ZNF33B: variants seen among roughly 807,000 people sequenced by gnomAD.
ZNF33B encodes the protein zinc finger protein 11b (KOX 2).
In ZNF33B, 29 loss-of-function variants were observed where a neutral mutation model predicts 45.8. The observed-to-expected ratio is 0.63, with a 90% CI of 0.47 to 0.86. The LOEUF is 0.86. ZNF33B is among the 40% of genes least tolerant of loss of function. The probability of loss-of-function intolerance (pLI) is 0.00; values close to 1 mark genes in which losing one functional copy is unlikely to be tolerated. For missense variants in ZNF33B, 831 were observed against 909.9 expected, an observed-to-expected ratio of 0.91 and a Z score of 1.12; for synonymous variants, 305 against 307.8, an observed-to-expected ratio of 0.99 and a Z score of 0.10.
chr10:42,610,701 A>G (rs1838064328), intron 4 of ZNF33B, among the ~76,000 whole-genome samples: 1 of 152,242 alleles, frequency 6.6e-6, no homozygotes, highest in Admixed American at 6.5e-5. Context: ...ACTGAATTGC[A>G]TTCATATGGT....
Position 42,594,666 on chromosome 10 carries a change from C to T in ZNF33B, c.284G>A (p.Ser95Asn), listed in dbSNP as rs1273508386. 6.3e-7 allele frequency: 1 copy of T among 1,594,748 alleles called. No individual in the cohort carries two copies. Among genetic ancestry groups the T allele is most frequent in the Non-Finnish European group, 8.5e-7 (1 of 1,173,254 alleles). The change falls in exon 5 of 5, where the codon AGC (serine) becomes AAC (asparagine). Residue 95 changes from serine to asparagine, a missense_variant. Physicochemically the swap from Ser to Asn is conservative, Grantham distance 46 (BLOSUM62 1). Coordinates refer to ENST00000359467, the MANE Select transcript of ZNF33B (RefSeq NM_006955.3). ...VWTADHLKER[S>N]QENQSKHLWE... ...CAAATGTTTAGATTGATTTTCTTGG[C>T]TCCTCTCTTTCAGGTGATCAGCTGT...
intron 1 of ZNF33B, among the ~76,000 whole-genome samples, chr10:42,577,886 G>A (rs1457830535): frequency 6.6e-6 from 1 of 152,184 alleles, no homozygotes; most frequent in Non-Finnish European, 1.5e-5. Context: ...GGCCTACATA[G>A]AAAACTAAAG....
chr10:42,620,478 A>T (rs1291530904), intron 4 of ZNF33B, among the ~76,000 whole-genome samples: 1 of 151,880 alleles, frequency 6.6e-6, no homozygotes, highest in Non-Finnish European at 1.5e-5. Context: ...ACAGGACTCA[A>T]TGCACCCTTG....
In ZNF33B at chr10:42,589,865, T is replaced by C. The variant is rs1253451801; in HGVS notation, c.*2748A>G. 1 of 152,238 alleles carries C rather than the reference T, an allele frequency of 6.6e-6. No individual in the cohort carries two copies. Among genetic ancestry groups the C allele is most frequent in the Non-Finnish European group, 1.5e-5 (1 of 68,036 alleles). 9.4% of individuals were successfully genotyped at this position (152,238 alleles called of 1,614,324 possible). A position where few individuals can be genotyped will look rare whatever the true frequency, so the allele number is the denominator to read the frequency against. ...TGAAAAGCAGTGGTGTTCCTTGCCA[T>C]GTTCCTGATCTTAGTAGGAAAGCAT... On this transcript the variant is annotated 3_prime_UTR_variant, in exon 5 of 5. Transcript: ENST00000359467.
At chr10:42,609,431 A>C (rs1385280959) in intron 4 of ZNF33B, among the ~76,000 whole-genome samples, 1 of 152,158 alleles carries the variant, frequency 6.6e-6, no homozygotes, top group East Asian at 1.9e-4. Context: ...AAAGACAAAA[A>C]ACAAACAAGA....
chr10:42,617,555 C>T (rs1838380016), intron 4 of ZNF33B, among the ~76,000 whole-genome samples: 2 of 152,142 alleles, frequency 1.3e-5, no homozygotes, highest in Admixed American at 6.5e-5. Flanking sequence ...CAATCTTATT[C>T]AGATTTCACA....
intron 4 of ZNF33B, among the ~76,000 whole-genome samples, chr10:42,619,071 G>A (rs764151420): frequency 2.0e-5 from 3 of 151,430 alleles, no homozygotes; most frequent in Non-Finnish European, 4.4e-5. Flanking sequence ...ACAGTGTTGA[G>A]TGACATAATC....
chr10:42,587,069 G>A (rs1236764633), downstream of ZNF33B, among the ~76,000 whole-genome samples: 1 of 152,148 alleles, frequency 6.6e-6, no homozygotes, highest in Non-Finnish European at 1.5e-5. Context: ...AGGGCCTAGT[G>A]TGTTCTCTCC....
intron 1 of ZNF33B, chr10:42,579,969 A>C (rs955788285): frequency 1.9e-5 from 3 of 154,372 alleles, no homozygotes; most frequent in Non-Finnish European, 4.4e-5. Flanking sequence ...TAAGACCCCT[A>C]TCTCTGCCTT....
chr10:42,600,467 C>T (rs1468943717), intron 4 of ZNF33B, among the ~76,000 whole-genome samples: 2 of 152,142 alleles, frequency 1.3e-5, no homozygotes, highest in East Asian at 3.8e-4. Flanking sequence ...CTGAAAGCTA[C>T]TTCATCTGGC....
intron 2 of ZNF33B, among the ~76,000 whole-genome samples, chr10:42,635,053 C>T (rs1839225934): frequency 6.6e-6 from 1 of 152,132 alleles, no homozygotes; most frequent in East Asian, 1.9e-4. Flanking sequence ...TTGAGACCAG[C>T]CTGGCCAAGT....
rs1165904069 is a variant in ZNF33B at position 42,591,761 on chromosome 10, G to C, written c.*852C>G. 1 of 174,990 alleles carries C rather than the reference G, an allele frequency of 5.7e-6. No homozygotes were observed. Among genetic ancestry groups the C allele is most frequent in the Non-Finnish European group, 1.1e-5 (1 of 89,108 alleles). 10.8% of individuals were successfully genotyped at this position (174,990 alleles called of 1,614,324 possible). ...GCTTCATAGTCAAGTGGATGCCAGG[G>C]ACAGGGATGCAGAAAGGGTGTGGTT... On this transcript the variant is annotated 3_prime_UTR_variant, in exon 5 of 5. Coordinates refer to ENST00000359467, the MANE Select transcript of ZNF33B (RefSeq NM_006955.3).
chr10:42,600,716 G>C (rs1169946229), intron 4 of ZNF33B, among the ~76,000 whole-genome samples: 2 of 152,070 alleles, frequency 1.3e-5, no homozygotes, highest in Non-Finnish European at 2.9e-5. Context: ...TTCAGTAACA[G>C]TATATATATG....
chr10:42,634,275 C>T (rs910451028), intron 2 of ZNF33B, among the ~76,000 whole-genome samples: 1 of 151,972 alleles, frequency 6.6e-6, no homozygotes, highest in African/African-American at 2.4e-5. Context: ...GGCGTGGGGG[C>T]AGGTGCCTGT....
rs780405812 is a variant in ZNF33B, at chr10:42,593,767, T to A, written c.1183A>T (p.Ser395Cys). 1 of 1,613,814 alleles carries A rather than the reference T, an allele frequency of 6.2e-7. No individual in the cohort carries two copies. The highest frequency in any genetic ancestry group is 8.5e-7 in the Non-Finnish European group (1 of 1,179,878). Residue 395 changes from serine (S) to cysteine (C), a missense_variant, in exon 5 of 5, where the codon AGC (serine) becomes TGC (cysteine). Physicochemically the swap from Ser to Cys is moderately radical, Grantham distance 112. Transcript: ENST00000359467. ...FECNECGKAF[S>C]HKSALTLHQR... Reference sequence around the variant, plus strand: ...TGTAATGTGAGGGCTGACTTATGGCTAAAGGCTTTCCCACATTCATTGCAT... The same window carrying A: ...TGTAATGTGAGGGCTGACTTATGGCAAAAGGCTTTCCCACATTCATTGCAT...
At chr10:42,580,181 A>G (rs187441500) in intron 1 of ZNF33B, among the ~76,000 whole-genome samples, 19 of 152,300 alleles carry the variant, frequency 1.2e-4, no homozygotes. Context: ...GGTAATATTG[A>G]GGACGGTGAG....
At chr10:42,600,006 G>C (rs1006078791) in intron 4 of ZNF33B, among the ~76,000 whole-genome samples, 3 of 151,864 alleles carry the variant, frequency 2.0e-5, no homozygotes, top group Non-Finnish European at 4.4e-5. Flanking sequence ...TTCTGTTATT[G>C]ATGTTTAATT....
chr10:42,585,148 C>T (rs779761673), downstream of ZNF33B, among the ~76,000 whole-genome samples: 2 of 152,210 alleles, frequency 1.3e-5, no homozygotes, highest in Non-Finnish European at 2.9e-5. Flanking sequence ...TTTTCTCTGC[C>T]TTGTGGACAC....
chr10:42,580,469 C>A (rs890113741), intron 1 of ZNF33B, among the ~76,000 whole-genome samples: 2 of 151,054 alleles, frequency 1.3e-5, no homozygotes, highest in East Asian at 4.0e-4. Flanking sequence ...AACTCCTGGC[C>A]TCAAGTGATC....
Sources: gnomAD v4.1 joint callset for allele counts (sites outside exome capture counted in the v4.1 genomes callset) on GRCh38, gnomAD v4.1.1 for gene constraint, MANE v1.5 for transcripts, NCBI Gene and HGNC (gene_info 2026-07-23, HGNC 2026-07-21) for gene names.